The following EYS variants were observed in gnomAD, a reference collection of about 807,000 sequenced individuals.
The protein encoded by EYS is protein eyes shut homolog.
In EYS, 250 loss-of-function variants were observed where a neutral mutation model predicts 282.1. The ratio of observed to expected loss-of-function variants is 0.89; its 90% CI spans 0.80 to 0.98. The LOEUF is 0.98. Ranked by LOEUF, EYS falls within the 50% of genes least tolerant of loss-of-function variation. The probability of loss-of-function intolerance (pLI) is 0.00; values close to 1 mark genes in which losing one functional copy is unlikely to be tolerated. For missense variants in EYS, 4,016 were observed against 3,709.0 expected, an observed-to-expected ratio of 1.08 and a Z score of -2.15; for synonymous variants, 1,355 against 1,282.9, an observed-to-expected ratio of 1.06 and a Z score of -1.20.
At chr6:64,453,693 T>C (rs990553598) in intron 26 of EYS, among the ~76,000 whole-genome samples, 5 of 152,144 alleles carry the variant, frequency 3.3e-5, no homozygotes, top group African/African-American at 1.2e-4. Flanking sequence ...AATGATGAGC[T>C]CATGTCCTTT....
intron 31 of EYS, among the ~76,000 whole-genome samples, chr6:64,221,310 T>A (rs1025552008): frequency 6.6e-6 from 1 of 151,998 alleles, no homozygotes; most frequent in Admixed American, 6.6e-5. Flanking sequence ...GAGGACAAAG[T>A]GAATGGATTT....
At chr6:65,523,144 T>C (rs1767433101) in intron 2 of EYS, among the ~76,000 whole-genome samples, 1 of 152,222 alleles carries the variant, frequency 6.6e-6, no homozygotes, top group African/African-American at 2.4e-5. Flanking sequence ...TAAATGTCTA[T>C]GATTTTTATT....
At chr6:65,510,518 A>ACT (rs960949367) in intron 2 of EYS, among the ~76,000 whole-genome samples, 24 of 152,108 alleles carry the variant, frequency 1.6e-4, no homozygotes, top group Admixed American at 4.6e-4. Flanking sequence ...TTTGATTCAC[A>ACT]CTTTTGATTA....
rs188570287 is a variant in EYS at position 64,622,307 on chromosome 6, G to A, written c.3568+3814C>T. ...GCCCTGTCATGACTGGACAACATTG[G>A]CCATCATAAATGAATTGTACTTTTT... On this transcript the variant is annotated intron_variant, in intron 23 of 42. Coordinates refer to ENST00000503581, the MANE Select transcript of EYS (RefSeq NM_001142800.2). 2.6e-5 allele frequency among the ~76,000 whole-genome samples: 4 copies of A among 152,152 alleles called. No individual in the cohort carries two copies. In the East Asian group the frequency reaches 7.7e-4, roughly 29 times the overall value.
intron 33 of EYS, among the ~76,000 whole-genome samples, chr6:64,026,336 C>T (rs915489393): frequency 4.6e-5 from 7 of 152,130 alleles, no homozygotes; most frequent in African/African-American, 1.7e-4. Context: ...AAACCAAAAC[C>T]ATGGGCGGTT....
rs538479299 is a variant in EYS, at chr6:64,634,204, G to C, written c.3444-7959C>G. 1.5e-4 allele frequency among the ~76,000 whole-genome samples: 23 copies of C among 152,204 alleles called. No homozygotes were observed. The South Asian group carries it at 1.7e-3, about 11-fold the overall frequency. On this transcript the variant is annotated intron_variant, in intron 22 of 42. Coordinates refer to ENST00000503581, the MANE Select transcript of EYS (RefSeq NM_001142800.2). ...TACCCATGTTGGCCAGCATGATCTC[G>C]ATCTCTTCACCTCGTGATCCGCCTG...
intron 5 of EYS, among the ~76,000 whole-genome samples, chr6:65,407,888 TC>T (rs1256289616): frequency 1.3e-5 from 2 of 151,910 alleles, no homozygotes; most frequent in African/African-American, 4.8e-5. Context: ...AGAAAAGCTG[TC>T]AGCCTGACAC....
intron 12 of EYS, among the ~76,000 whole-genome samples, chr6:65,278,514 A>G (rs1198998651): frequency 6.6e-6 from 1 of 151,518 alleles, no homozygotes; most frequent in Non-Finnish European, 1.5e-5. Flanking sequence ...TTTTGCTGCA[A>G]TCTTTTTGGA....
chr6:63,952,362 T>C (rs1456853046), intron 35 of EYS, among the ~76,000 whole-genome samples: 2 of 152,254 alleles, frequency 1.3e-5, no homozygotes, highest in Non-Finnish European at 2.9e-5. Flanking sequence ...AGACTGATGC[T>C]GCCCAATTGC....
chr6:65,248,300 C>T (rs899133607), intron 12 of EYS, among the ~76,000 whole-genome samples: 1 of 151,956 alleles, frequency 6.6e-6, no homozygotes, highest in East Asian at 1.9e-4. Flanking sequence ...ATCTGTATTC[C>T]CTTCCTAGGA....
At chr6:65,141,587 A>T (rs1413137086) in intron 12 of EYS, among the ~76,000 whole-genome samples, 3 of 152,072 alleles carry the variant, frequency 2.0e-5, no homozygotes, top group African/African-American at 7.2e-5. Context: ...AATTCTAAAT[A>T]AATCCAAACA....
At chr6:65,314,429 C>A (rs1047635975) in intron 11 of EYS, among the ~76,000 whole-genome samples, 1 of 144,476 alleles carries the variant, frequency 6.9e-6, no homozygotes, top group Non-Finnish European at 1.5e-5. Context: ...AAATGGAGGG[C>A]ACTCAACATA....
intron 28 of EYS, among the ~76,000 whole-genome samples, chr6:64,404,960 T>G (rs956279376): frequency 6.6e-6 from 1 of 152,114 alleles, no homozygotes; most frequent in African/African-American, 2.4e-5. Context: ...CCACTTAACT[T>G]TTTTTAACAC....
intron 31 of EYS, among the ~76,000 whole-genome samples, chr6:64,101,709 T>A (rs1224034526): frequency 6.6e-6 from 1 of 151,960 alleles, no homozygotes; most frequent in African/African-American, 2.4e-5. Flanking sequence ...TGGGGTGGGA[T>A]GGGGGAATGG....
At chr6:65,154,885 G>A (rs950117778) in intron 12 of EYS, among the ~76,000 whole-genome samples, 1 of 151,370 alleles carries the variant, frequency 6.6e-6, no homozygotes, top group African/African-American at 2.4e-5. Flanking sequence ...TAGTTAATAA[G>A]GAATTCAACC....
intron 31 of EYS, among the ~76,000 whole-genome samples, chr6:64,125,341 G>A (rs1309121711): frequency 1.3e-5 from 2 of 152,026 alleles, no homozygotes; most frequent in African/African-American, 4.8e-5. Context: ...TAGACTGAAG[G>A]TTCCCATGCA....
intron 12 of EYS, among the ~76,000 whole-genome samples, chr6:65,174,131 C>T (rs529330306): frequency 1.3e-5 from 2 of 151,084 alleles, no homozygotes; most frequent in Non-Finnish European, 3.0e-5. Flanking sequence ...AAACTTCACC[C>T]ACAAACCCAA....
rs762296060 is a variant in EYS, at chr6:65,353,515, T to C, written c.1402A>G (p.Ile468Val). Residue 468 changes from isoleucine (I) to valine (V), a missense_variant, in exon 9 of 43, where the codon ATT becomes GTT. Physicochemically the swap from Ile to Val is conservative, Grantham distance 29. Transcript: ENST00000503581. Reference sequence around the variant, plus strand: ...TGAGCAGGACCTTTATCTTGGCAAATACCATGGAAGGTGACTCCACAGTAG... The same window carrying C: ...TGAGCAGGACCTTTATCTTGGCAAACACCATGGAAGGTGACTCCACAGTAG... ...LCYCGVTFHG[I>V]CQDKGPAQFE... The C allele has an allele frequency of 3.7e-6, 6 of 1,613,092 alleles. No individual in the cohort carries two copies. Among genetic ancestry groups the C allele is most frequent in the Non-Finnish European group, 5.1e-6 (6 of 1,179,504 alleles).
chr6:63,860,614 C>T (rs1772510127), intron 36 of EYS, among the ~76,000 whole-genome samples: 1 of 152,232 alleles, frequency 6.6e-6, no homozygotes, highest in Non-Finnish European at 1.5e-5. Context: ...CGCCTTTGCA[C>T]TGACTTTCTC....
Sources: gnomAD v4.1 joint callset for allele counts (sites outside exome capture counted in the v4.1 genomes callset) on GRCh38, gnomAD v4.1.1 for gene constraint, MANE v1.5 for transcripts, NCBI Gene and HGNC (gene_info 2026-07-23, HGNC 2026-07-21) for gene names.